The following NUCB2 variants were observed in gnomAD, a reference collection of about 807,000 sequenced individuals.
The protein encoded by NUCB2 is nucleobindin 2, also known as nucleobindin-2.
In NUCB2, 48 loss-of-function variants were observed where a neutral mutation model predicts 57.9. The ratio of observed to expected loss-of-function variants is 0.83; its 90% CI spans 0.66 to 1.05. The LOEUF (loss-of-function observed/expected upper bound fraction) is 1.05. Among genes scored for constraint, NUCB2 ranks in the 50% least tolerant of loss-of-function variants. The probability of loss-of-function intolerance (pLI) is 0.00; values close to 1 mark genes in which losing one functional copy is unlikely to be tolerated. For synonymous variants in NUCB2, 139 were observed against 152.1 expected, an observed-to-expected ratio of 0.91 and a Z score of 0.64; for missense variants, 442 against 476.2, an observed-to-expected ratio of 0.93 and a Z score of 0.67.
chr11:17,278,895 T>G (rs1941938689), intron 1 of NUCB2, among the ~76,000 whole-genome samples: 1 of 152,138 alleles, frequency 6.6e-6, no homozygotes. Context: ...AAAAATGTAT[T>G]GAAAATAATC....
intron 1 of NUCB2, among the ~76,000 whole-genome samples, chr11:17,281,507 G>A (rs1000561303): frequency 6.6e-6 from 1 of 152,266 alleles, no homozygotes; most frequent in Admixed American, 6.5e-5. Context: ...GACAAGAAGG[G>A]CATTAATATT....
At position 17,330,263 on chromosome 11, in the gene NUCB2, A is replaced by G; in HGVS notation, c.1139A>G (p.Asp380Gly). Residue 380 changes from aspartate to glycine, a missense_variant, in exon 12 of 14, where the codon GAT becomes GGT. Physicochemically the swap from Asp to Gly is moderately conservative, Grantham distance 94. Coordinates refer to ENST00000529010, the MANE Select transcript of NUCB2 (RefSeq NM_005013.4). The surrounding 1 kb of genome is among the most constrained non-coding windows in gnomAD (Gnocchi z 4.3). ...AAAGAAGAGCTACAACGTCAGCATG[A>G]TCAACTGGAGGCTCAGAAGCTGGAA... ...KQKEELQRQH[D>G]QLEAQKLEYH... The G allele has an allele frequency of 6.2e-7, 1 of 1,609,216 alleles. No individual in the cohort carries two copies. The highest frequency in any genetic ancestry group is 8.5e-7 in the Non-Finnish European group (1 of 1,178,860).
At chr11:17,288,952 T>TAC (rs1944422610) in intron 2 of NUCB2, among the ~76,000 whole-genome samples, 2 of 33,718 alleles carry the variant, frequency 5.9e-5, no homozygotes, top group Non-Finnish European at 9.9e-5. Flanking sequence ...CACACACACA[T>TAC]ATATATATAT....
intron 1 of NUCB2, among the ~76,000 whole-genome samples, chr11:17,281,467 T>A (rs186479939): frequency 4.2e-4 from 64 of 152,286 alleles, no homozygotes; most frequent in Non-Finnish European, 7.5e-4. Context: ...ACAGAACAGA[T>A]TTTCATATTT....
chr11:17,299,108 T>C (rs1301061838), intron 4 of NUCB2, among the ~76,000 whole-genome samples: 2 of 152,264 alleles, frequency 1.3e-5, no homozygotes, highest in Non-Finnish European at 2.9e-5. Context: ...ACTGTTCCAC[T>C]GAATATACCT....
chr11:17,283,795 A>G (rs1282957472), intron 2 of NUCB2, among the ~76,000 whole-genome samples: 1 of 152,234 alleles, frequency 6.6e-6, no homozygotes, highest in Non-Finnish European at 1.5e-5. Context: ...GTATCACATA[A>G]CTAATCATCA....
Position 17,315,419 on chromosome 11 carries a change from G to A in NUCB2, c.946G>A (p.Glu316Lys), listed in dbSNP as rs761432357. ...TAACAAAGACAGATTGGTGACTCTG[G>A]AGGAGTTTTTGAAAGCCACAGAAAA... is the stretch of plus-strand genomic sequence containing the variant. ...DTNKDRLVTL[E>K]EFLKATEKKE... Residue 316 changes from glutamate (E) to lysine (K), a missense_variant, in exon 11 of 14, where the codon GAG (glutamate) becomes AAG (lysine). By Grantham distance (56) the Glu-to-Lys change is moderately conservative (BLOSUM62 1). Transcript: ENST00000529010. The A allele has an allele frequency of 6.2e-7, 1 of 1,611,508 alleles. No individual in the cohort carries two copies. The highest frequency in any genetic ancestry group is 1.7e-5 in the Admixed American group (1 of 59,946).
At chr11:17,322,170 G>A (rs1173498466) in intron 11 of NUCB2, among the ~76,000 whole-genome samples, 2 of 151,988 alleles carry the variant, frequency 1.3e-5, no homozygotes, top group Non-Finnish European at 2.9e-5. Context: ...TTTTGTCCAG[G>A]TCAATGTTCT....
downstream of NUCB2, among the ~76,000 whole-genome samples, chr11:17,334,642 T>G (rs1398124486): frequency 1.3e-5 from 2 of 152,178 alleles, no homozygotes; most frequent in Non-Finnish European, 2.9e-5. Flanking sequence ...TCCCAGCACT[T>G]TGGGAAGCCA....
intron 1 of NUCB2, among the ~76,000 whole-genome samples, chr11:17,277,251 C>T (rs1401028427): frequency 6.6e-6 from 1 of 152,216 alleles, no homozygotes; most frequent in African/African-American, 2.4e-5. Context: ...CTGCTCTTCT[C>T]CGGTCTGGTT....
intron 3 of NUCB2, 60 bp from the exon 4 acceptor site, chr11:17,296,044 C>T: frequency 3.1e-6 from 3 of 978,528 alleles, no homozygotes; most frequent in South Asian, 3.2e-5. Flanking sequence ...GGATTGACCT[C>T]TTTAGATTCA....
intron 1 of NUCB2, among the ~76,000 whole-genome samples, chr11:17,278,824 C>G (rs1206257847): frequency 6.6e-6 from 1 of 152,142 alleles, no homozygotes. Flanking sequence ...CTTTTGAAGG[C>G]TGGGTTCTAC....
chr11:17,329,286 C>A (rs1264596372), intron 11 of NUCB2, among the ~76,000 whole-genome samples: 2 of 152,200 alleles, frequency 1.3e-5, no homozygotes, highest in Non-Finnish European at 2.9e-5. Flanking sequence ...CTTAGCCTCA[C>A]CAGCTGGTAT....
At chr11:17,329,260 G>A (rs1475073552) in intron 11 of NUCB2, among the ~76,000 whole-genome samples, 1 of 152,176 alleles carries the variant, frequency 6.6e-6, no homozygotes, top group Non-Finnish European at 1.5e-5. Flanking sequence ...TGGGGGAGGG[G>A]TAGCACAAGC....
intron 2 of NUCB2, among the ~76,000 whole-genome samples, chr11:17,291,080 T>C (rs1391393694): frequency 1.3e-5 from 2 of 152,006 alleles, no homozygotes; most frequent in Admixed American, 1.3e-4. Context: ...TCATTTCCCC[T>C]CCCTCCACCA....
rs374280043 is a variant in NUCB2 at position 17,292,060 on chromosome 11, C to T, written c.1-3264C>T. Among the ~76,000 whole-genome samples, 6 of 151,542 alleles carry T rather than the reference C, an allele frequency of 4.0e-5. No homozygotes were observed. The East Asian group carries it at 5.8e-4, about 15-fold the overall frequency. Reference sequence around the variant, plus strand: ...TATTTCTGTTTAGTATTTCTGATTACGTAACAGGAAAGATCTGTACTAAAA... The same window carrying T: ...TATTTCTGTTTAGTATTTCTGATTATGTAACAGGAAAGATCTGTACTAAAA... On this transcript the variant is annotated intron_variant, in intron 2 of 13. Transcript: ENST00000529010.
chr11:17,349,478 G>A (rs963436998), exon 3 of NUCB2: 1 of 152,140 alleles, frequency 6.6e-6, no homozygotes, highest in Non-Finnish European at 1.5e-5. Context: ...TCAAGCTCTA[G>A]GCATTACATC....
At chr11:17,309,439 G>A (rs1398513471) in intron 5 of NUCB2, 133 bp from the exon 6 acceptor site, 2 of 557,534 alleles carry the variant, frequency 3.6e-6, no homozygotes, top group African/African-American at 4.0e-5. Context: ...GTAAATATAA[G>A]CCTTTATTCT....
At chr11:17,311,322 G>C in intron 8 of NUCB2, 39 bp downstream of exon 8, 1 of 1,373,468 alleles carries the variant, frequency 7.3e-7, no homozygotes, top group Admixed American at 2.0e-5. Context: ...TATATCTGCT[G>C]CTTGAAAAAG....
Sources: gnomAD v4.1 joint callset for allele counts (sites outside exome capture counted in the v4.1 genomes callset) on GRCh38, gnomAD v4.1.1 for gene constraint, Gnocchi (gnomAD v3.1) non-coding constraint, MANE v1.5 for transcripts, NCBI Gene and HGNC (gene_info 2026-07-23, HGNC 2026-07-21) for gene names.